The following IQCM variants were observed in gnomAD, a reference collection of about 807,000 sequenced individuals.
IQCM encodes IQ motif containing M, also known as IQ domain-containing protein M.
A neutral mutation model predicts 57.6 loss-of-function variants in IQCM; 45 were observed. The ratio of observed to expected loss-of-function variants is 0.78; its 90% confidence interval spans 0.62 to 1.00. IQCM has a LOEUF of 1.00. Ranked by LOEUF, IQCM falls within the 50% of genes least tolerant of loss-of-function variation. The probability of loss-of-function intolerance (pLI) is 0.00; values close to 1 mark genes in which losing one functional copy is unlikely to be tolerated. For missense variants in IQCM, 468 were observed against 511.6 expected (o/e 0.91, Z 0.82); for synonymous variants, 148 against 158.9 (o/e 0.93, Z 0.51).
intron 12 of IQCM, among the ~76,000 whole-genome samples, chr4:149,455,051 G>A (rs769884745): frequency 5.1e-4 from 77 of 152,052 alleles, no homozygotes; most frequent in Non-Finnish European, 1.0e-3. Context: ...TCAACACAAT[G>A]ATGGTGTGAA....
Position 149,670,008 on chromosome 4 carries a change from T to G in IQCM, c.565+12110A>C, listed in dbSNP as rs944736404. Among the ~76,000 whole-genome samples, 107 of 152,252 alleles carry G rather than the reference T, an allele frequency of 7.0e-4. 1 individual carries two copies. The highest frequency in any genetic ancestry group is 2.0e-3 in the African/African-American group (85 of 41,570). ...CTTTAAAATAGTTTTTTCCAATTATTTGAAGAAAGTCATTGGTAGCTTGAT... is the reference window on the plus strand; with the variant it reads ...CTTTAAAATAGTTTTTTCCAATTATGTGAAGAAAGTCATTGGTAGCTTGAT... On this transcript the variant is annotated intron_variant, in intron 7 of 13. Coordinates refer to ENST00000636793, the MANE Select transcript of IQCM (RefSeq NM_001363507.2).
At chr4:149,805,005 C>T (rs1561293527) in intron 2 of IQCM, among the ~76,000 whole-genome samples, 1 of 152,000 alleles carries the variant, frequency 6.6e-6, no homozygotes, top group Admixed American at 6.6e-5. Flanking sequence ...GAAGTATTCA[C>T]ATTGCTGCCC....
chr4:149,464,918 G>C (rs1470479533), intron 12 of IQCM, among the ~76,000 whole-genome samples: 5 of 152,160 alleles, frequency 3.3e-5, no homozygotes, highest in Non-Finnish European at 7.4e-5. Flanking sequence ...GCTTAGAAAT[G>C]TAAATCACAA....
chr4:149,707,341 G>C (rs1764233278), intron 5 of IQCM, among the ~76,000 whole-genome samples: 1 of 152,024 alleles, frequency 6.6e-6, no homozygotes, highest in Non-Finnish European at 1.5e-5. Context: ...GCAAATATAT[G>C]TGTATAGTTG....
chr4:149,742,464 T>A (rs1767544717), intron 3 of IQCM, among the ~76,000 whole-genome samples, 191 bp downstream of exon 3: 1 of 152,120 alleles, frequency 6.6e-6, no homozygotes, highest in African/African-American at 2.4e-5. Flanking sequence ...GTGGATACCA[T>A]ATGGGACAGC....
At chr4:149,512,976 C>A (rs931344067) in intron 12 of IQCM, among the ~76,000 whole-genome samples, 5 of 152,162 alleles carry the variant, frequency 3.3e-5, no homozygotes, top group East Asian at 1.9e-4. Context: ...ATATAAATAA[C>A]CAAGCTGTGT....
At chr4:149,502,176 A>G (rs943066075) in intron 12 of IQCM, among the ~76,000 whole-genome samples, 2 of 152,090 alleles carry the variant, frequency 1.3e-5, no homozygotes, top group Non-Finnish European at 2.9e-5. Flanking sequence ...ACACACATAT[A>G]TATGTATGTA....
intron 7 of IQCM, among the ~76,000 whole-genome samples, chr4:149,678,864 ATCAAAAAGAC>A (rs1390852419): frequency 6.6e-6 from 1 of 151,712 alleles, no homozygotes; most frequent in African/African-American, 2.4e-5. Context: ...AATGGCTTCT[ATCAAAAAGAC>A]AGGCAATAAA....
Position 149,351,788 on chromosome 4 carries a change from C to T in IQCM, c.*163G>A. The T allele has an allele frequency of 2.6e-6, 1 of 387,870 alleles. No homozygotes were observed. The allele number at this position is 387,870 out of a possible 1,614,324, so 24.0% of individuals were successfully genotyped here. On this transcript the variant is annotated 3_prime_UTR_variant, in exon 14 of 14. Transcript: ENST00000636793. ...AGGAGATCAAATGAATGGTGTTCATCCAAAAATACTAGAAATTATAGATAA... is the reference window on the plus strand; with the variant it reads ...AGGAGATCAAATGAATGGTGTTCATTCAAAAATACTAGAAATTATAGATAA...
intron 12 of IQCM, among the ~76,000 whole-genome samples, chr4:149,452,609 T>C (rs1423507210): frequency 2.0e-5 from 3 of 151,688 alleles, no homozygotes; most frequent in East Asian, 3.9e-4. Context: ...ATAATTGACA[T>C]ATAAAAAGCT....
chr4:149,379,133 T>C (rs1730898831), intron 13 of IQCM, among the ~76,000 whole-genome samples: 1 of 152,134 alleles, frequency 6.6e-6, no homozygotes, highest in Non-Finnish European at 1.5e-5. Context: ...AGAGGATGTA[T>C]GGAAACGCCT....
At chr4:149,618,263 A>G (rs1164411134) in intron 8 of IQCM, among the ~76,000 whole-genome samples, 3 of 152,306 alleles carry the variant, frequency 2.0e-5, no homozygotes, top group East Asian at 3.9e-4. Flanking sequence ...AGGACACCCT[A>G]TTCAAGAAAT....
intron 5 of IQCM, among the ~76,000 whole-genome samples, chr4:149,687,800 C>T (rs1762654671): frequency 6.6e-6 from 1 of 151,904 alleles, no homozygotes; most frequent in Non-Finnish European, 1.5e-5. Context: ...TTAACATATG[C>T]AAGTCAATAA....
chr4:149,547,029 T>G (rs983218196), intron 12 of IQCM, among the ~76,000 whole-genome samples: 2 of 152,234 alleles, frequency 1.3e-5, no homozygotes, highest in South Asian at 2.1e-4. Flanking sequence ...AGTTTCAGCT[T>G]TCTACATATG....
chr4:149,486,289 C>T (rs184255949), intron 12 of IQCM, among the ~76,000 whole-genome samples: 1 of 152,076 alleles, frequency 6.6e-6, no homozygotes, highest in Admixed American at 6.6e-5. Flanking sequence ...AGCTTGGAAT[C>T]AAAAACCTTA....
chr4:149,353,054 T>A (rs13129512), intron 13 of IQCM, among the ~76,000 whole-genome samples: 4,079 of 152,274 alleles, frequency 0.027, 77 homozygotes, highest in Non-Finnish European at 0.041. Flanking sequence ...GGTTAATGTA[T>A]CTCCATATTG....
intron 12 of IQCM, among the ~76,000 whole-genome samples, chr4:149,509,858 T>C (rs1460175893): frequency 1.3e-5 from 2 of 152,124 alleles, no homozygotes; most frequent in African/African-American, 2.4e-5. Flanking sequence ...TTTGAATCTT[T>C]GGTCCAATGT....
At chr4:149,584,254 A>G (rs1214593817) in intron 9 of IQCM, among the ~76,000 whole-genome samples, 2 of 151,606 alleles carry the variant, frequency 1.3e-5, no homozygotes, top group Admixed American at 6.6e-5. Context: ...ACCATATTTT[A>G]ATCTTATGAA....
intron 9 of IQCM, among the ~76,000 whole-genome samples, chr4:149,577,389 G>A (rs2359573): frequency 0.99 from 150,906 of 152,080 alleles, 74,886 homozygotes; most frequent in East Asian, 1. Context: ...TCTTTAATCC[G>A]TCTTGAGTTG....
Sources: allele counts gnomAD v4.1 joint callset (sites outside exome capture counted in the v4.1 genomes callset), GRCh38; gene constraint gnomAD v4.1.1; transcripts MANE v1.5; gene names NCBI Gene and HGNC (gene_info 2026-07-23, HGNC 2026-07-21).